CNTN4: variants seen among roughly 807,000 people sequenced by gnomAD.
CNTN4 encodes contactin-4.
CNTN4 carries 77 observed loss-of-function variants against 122.5 expected under a neutral mutation model. The observed-to-expected ratio is 0.63, with a 90% CI of 0.52 to 0.76. The LOEUF is 0.76. Among genes scored for constraint, CNTN4 ranks in the 30% least tolerant of loss-of-function variants. The pLI is 0.00. For synonymous variants in CNTN4, 512 were observed against 447.0 expected (o/e 1.15, Z -1.83); for missense variants, 1,256 against 1,259.1 (o/e 1.00, Z 0.04).
At chr3:2,582,954 G>A (rs1160772967) in intron 4 of CNTN4, among the ~76,000 whole-genome samples, 2 of 148,718 alleles carry the variant, frequency 1.3e-5, no homozygotes, top group Non-Finnish European at 3.0e-5. Flanking sequence ...AAGAAAGAAT[G>A]ATGTCAAATA....
At chr3:2,705,836 A>ATATATAATATATAATAAATATATATT (rs2086679831) in intron 4 of CNTN4, among the ~76,000 whole-genome samples, 1 of 105,058 alleles carries the variant, frequency 9.5e-6, no homozygotes, top group African/African-American at 3.9e-5. Context: ...AAATATATAT[A>ATATATAATATATAATAAATATATATT]ATATATAATA....
intron 13 of CNTN4, among the ~76,000 whole-genome samples, chr3:2,982,350 T>C (rs1232012697): frequency 6.6e-6 from 1 of 152,206 alleles, no homozygotes; most frequent in Non-Finnish European, 1.5e-5. Context: ...GATTGCACTC[T>C]TCCTGTTGTC....
chr3:2,878,633 G>A (rs1000802698), intron 8 of CNTN4, among the ~76,000 whole-genome samples: 16 of 150,956 alleles, frequency 1.1e-4, no homozygotes, highest in African/African-American at 3.7e-4. Context: ...AAAGATGATA[G>A]AAAACAGCAT....
intron 13 of CNTN4, among the ~76,000 whole-genome samples, chr3:2,961,937 A>G (rs1208445786): frequency 6.6e-6 from 1 of 152,244 alleles, no homozygotes; most frequent in Non-Finnish European, 1.5e-5. Flanking sequence ...GGCACTTCCT[A>G]TAAAAATCCA....
At chr3:2,651,157 G>T (rs2150193744) in intron 4 of CNTN4, among the ~76,000 whole-genome samples, 1 of 152,304 alleles carries the variant, frequency 6.6e-6, no homozygotes, top group African/African-American at 2.4e-5. Context: ...CCAGGGTAAA[G>T]ATTCAAGAGT....
intron 3 of CNTN4, among the ~76,000 whole-genome samples, chr3:2,494,211 C>G: frequency 6.6e-6 from 1 of 152,186 alleles, no homozygotes; most frequent in South Asian, 2.1e-4. Context: ...TCAAGAGTTC[C>G]GGAGAACACA....
chr3:2,512,213 A>G (rs1559622136), intron 3 of CNTN4, among the ~76,000 whole-genome samples: 2 of 152,288 alleles, frequency 1.3e-5, no homozygotes, highest in African/African-American at 4.8e-5. Context: ...AAACTTTGCC[A>G]TGGAGGTGGG....
At chr3:2,164,659 A>G (rs2036118128) in intron 2 of CNTN4, among the ~76,000 whole-genome samples, 1 of 152,220 alleles carries the variant, frequency 6.6e-6, no homozygotes, top group Non-Finnish European at 1.5e-5. Flanking sequence ...CAAGGAAAAG[A>G]GAATTTGACT....
At chr3:2,285,209 C>T (rs1011229078) in intron 2 of CNTN4, among the ~76,000 whole-genome samples, 9 of 151,978 alleles carry the variant, frequency 5.9e-5, no homozygotes, top group African/African-American at 2.2e-4. Flanking sequence ...AGATAAAGTA[C>T]TACAAGATGA....
At position 2,104,613 on chromosome 3, in the gene CNTN4, G is replaced by A. The variant is rs553367184; in HGVS notation, c.-145+3974G>A. Among the ~76,000 whole-genome samples the A allele has an allele frequency of 1.1e-4, 17 of 152,268 alleles. No individual in the cohort carries two copies. In the South Asian group the frequency reaches 3.5e-3, roughly 32 times the overall value. On this transcript the variant is annotated intron_variant, in intron 2 of 24. Coordinates refer to ENST00000418658, the MANE Select transcript of CNTN4 (RefSeq NM_175607.3). ...CAGAGAAGTCTTATTGGAGGTTGTTGTAGGCACAGCCTGGAAGTGGTTGTC... is the reference window on the plus strand; with the variant it reads ...CAGAGAAGTCTTATTGGAGGTTGTTATAGGCACAGCCTGGAAGTGGTTGTC...
chr3:2,993,753 C>T (rs1005762449), intron 14 of CNTN4, among the ~76,000 whole-genome samples: 6 of 152,216 alleles, frequency 3.9e-5, no homozygotes, highest in Admixed American at 3.9e-4. Context: ...AAAATTCTGT[C>T]CAAGGTATAG....
chr3:2,845,571 C>T (rs1442684593), intron 7 of CNTN4, among the ~76,000 whole-genome samples: 3 of 152,158 alleles, frequency 2.0e-5, no homozygotes, highest in African/African-American at 4.8e-5. Context: ...CCAACTAATT[C>T]TAGGTCCCAA....
intron 2 of CNTN4, among the ~76,000 whole-genome samples, chr3:2,209,094 C>T (rs762165143): frequency 6.6e-6 from 1 of 152,034 alleles, no homozygotes; most frequent in Non-Finnish European, 1.5e-5. Flanking sequence ...AAGCAATAGC[C>T]CCCCAAATCT....
At chr3:2,924,930 A>G (rs1282081515) in intron 12 of CNTN4, among the ~76,000 whole-genome samples, 1 of 137,106 alleles carries the variant, frequency 7.3e-6, no homozygotes, top group African/African-American at 2.6e-5. Context: ...AAATGCTTTA[A>G]CCTACACAAT....
intron 2 of CNTN4, among the ~76,000 whole-genome samples, chr3:2,272,079 A>T (rs969162239): frequency 6.6e-6 from 1 of 152,152 alleles, no homozygotes; most frequent in African/African-American, 2.4e-5. Context: ...ATCATGAAAA[A>T]TGTTATTAAA....
chr3:2,893,843 C>A (rs1397318608), intron 10 of CNTN4, among the ~76,000 whole-genome samples: 1 of 152,082 alleles, frequency 6.6e-6, no homozygotes, highest in Non-Finnish European at 1.5e-5. Context: ...AGTTCCTCTG[C>A]TTGTCTAAGC....
chr3:2,703,652 A>G (rs1290040044), intron 4 of CNTN4, among the ~76,000 whole-genome samples: 1 of 152,138 alleles, frequency 6.6e-6, no homozygotes, highest in Non-Finnish European at 1.5e-5. Context: ...GATAAAAAAT[A>G]AAACCATAAA....
At chr3:2,837,475 G>A (rs542340339) in intron 7 of CNTN4, among the ~76,000 whole-genome samples, 7 of 152,218 alleles carry the variant, frequency 4.6e-5, no homozygotes, top group Non-Finnish European at 1.0e-4. Context: ...AGGCCCTCAC[G>A]GTGTTACTGG....
rs188835531 is a variant in CNTN4 at position 2,232,001 on chromosome 3, C to G, written c.-144-107177C>G. On this transcript the variant is annotated intron_variant, in intron 2 of 24. Coordinates refer to ENST00000418658, the MANE Select transcript of CNTN4 (RefSeq NM_175607.3). ...ATTTTCCCTAAATGACAAAGCTTAC[C>G]AGAGAGCATTTAAATAACATGTTTT... 7.9e-5 allele frequency among the ~76,000 whole-genome samples: 12 copies of G among 152,084 alleles called. No individual in the cohort carries two copies. In the East Asian group the frequency reaches 2.3e-3, roughly 29 times the overall value.
Sources: allele counts gnomAD v4.1 joint callset (sites outside exome capture counted in the v4.1 genomes callset), GRCh38; gene constraint gnomAD v4.1.1; transcripts MANE v1.5; gene names NCBI Gene and HGNC (gene_info 2026-07-23, HGNC 2026-07-21).